Variants in TOM1L1 observed in about 807,000 individuals in gnomAD.
TOM1L1 encodes target of myb1 like 1 membrane trafficking protein, also known as TOM1-like protein 1.
A neutral mutation model predicts 63.4 loss-of-function variants in TOM1L1; 64 were observed. The ratio of observed to expected loss-of-function variants is 1.01; its 90% CI spans 0.83 to 1.24. TOM1L1 has a LOEUF of 1.24. TOM1L1 is among the 50% of genes most tolerant of loss of function. TOM1L1 has a pLI of 0.00. For missense variants in TOM1L1, 536 were observed against 567.0 expected, an observed-to-expected ratio of 0.95 and a Z score of 0.55; for synonymous variants, 166 against 194.4, an observed-to-expected ratio of 0.85 and a Z score of 1.22.
chr17:54,907,526 G>A (rs2048431533), intron 3 of TOM1L1, among the ~76,000 whole-genome samples: 1 of 152,076 alleles, frequency 6.6e-6, no homozygotes, highest in Admixed American at 6.6e-5. Flanking sequence ...TTTCCTTTAT[G>A]TCTTTAGTTT....
chr17:54,934,449 T>C (rs1033807813), intron 8 of TOM1L1, among the ~76,000 whole-genome samples: 4 of 152,200 alleles, frequency 2.6e-5, no homozygotes, highest in African/African-American at 7.2e-5. Flanking sequence ...TTGTGTTTAC[T>C]AGGATGTGGG....
At chr17:54,920,109 C>G (rs2048659152) in intron 7 of TOM1L1, among the ~76,000 whole-genome samples, 2 of 151,918 alleles carry the variant, frequency 1.3e-5, no homozygotes, top group East Asian at 3.9e-4. Flanking sequence ...GAAGGAGTCA[C>G]GTCAATACAG....
intron 7 of TOM1L1, 132 bp from the exon 8 acceptor site, chr17:54,929,941 T>G: frequency 9.6e-7 from 1 of 1,045,560 alleles, no homozygotes; most frequent in Non-Finnish European, 1.4e-6. Context: ...TGTTTATAGT[T>G]AAGTACTTTG....
chr17:54,930,283 G>A (rs2048837342), intron 8 of TOM1L1, 77 bp downstream of exon 8: 2 of 1,573,278 alleles, frequency 1.3e-6, no homozygotes, highest in Non-Finnish European at 8.7e-7. Context: ...TCTTATCAGA[G>A]TGCCTACAAG....
Position 54,901,048 on chromosome 17 carries a change from C to G in TOM1L1, c.58+125C>G, listed in dbSNP as rs1016581031. 8 of 1,340,806 alleles carry G rather than the reference C, an allele frequency of 6.0e-6. No individual in the cohort carries two copies. In the Admixed American group the frequency reaches 8.3e-5, roughly 14 times the overall value. The allele number at this position is 1,340,806 out of a possible 1,614,324, so 83.1% of individuals were successfully genotyped here. ...CTTGAAAAAATTATTCCCCTCCCCC[C>G]GCAACTTTCCCAAGGCACCCGCATT... On this transcript the variant is annotated intron_variant, in intron 1 of 15. Transcript: ENST00000575882.
Position 54,961,360 on chromosome 17 carries a change from C to A in TOM1L1, c.*127C>A. 1 of 1,551,190 alleles carries A rather than the reference C, an allele frequency of 6.4e-7. No individual in the cohort carries two copies. Among genetic ancestry groups the A allele is most frequent in the Non-Finnish European group, 8.7e-7 (1 of 1,146,758 alleles). On this transcript the variant is annotated 3_prime_UTR_variant, in exon 16 of 16. Transcript: ENST00000575882. ...ATGTCAAAGCCATGGTGGCACATTT[C>A]TGCTATAATGAAGATTAAATAGAAT...
intron 8 of TOM1L1, 106 bp from the exon 9 acceptor site, chr17:54,936,543 G>A (rs1331503962): frequency 3.2e-6 from 3 of 948,486 alleles, no homozygotes; most frequent in Non-Finnish European, 4.7e-6. Context: ...TGAGGATGAG[G>A]CTGATTGTCT....
intron 11 of TOM1L1, 43 bp downstream of exon 11, chr17:54,939,063 T>G (rs745449270): frequency 6.9e-6 from 9 of 1,313,266 alleles, no homozygotes; most frequent in Non-Finnish European, 9.7e-6. Flanking sequence ...TCATGACATT[T>G]AGATTCCTTA....
intron 11 of TOM1L1, among the ~76,000 whole-genome samples, chr17:54,946,913 G>T (rs935822381): frequency 6.6e-5 from 10 of 152,140 alleles, no homozygotes; most frequent in African/African-American, 2.4e-4. Context: ...CGTTTGCTCC[G>T]CTTTATCCTG....
At chr17:54,923,954 C>G (rs190999923) in intron 7 of TOM1L1, among the ~76,000 whole-genome samples, 1 of 151,732 alleles carries the variant, frequency 6.6e-6, no homozygotes, top group African/African-American at 2.4e-5. Flanking sequence ...ATTGCACCAC[C>G]GTACTCCAGC....
intron 12 of TOM1L1, 83 bp from the exon 13 acceptor site, chr17:54,949,435 T>C (rs1390080047): frequency 1.0e-6 from 1 of 985,620 alleles, no homozygotes; most frequent in Non-Finnish European, 1.6e-6. Context: ...TGGAACAATG[T>C]ACTTGCAAGT....
At chr17:54,937,310 C>A in intron 10 of TOM1L1, 84 bp downstream of exon 10, 2 of 1,063,966 alleles carry the variant, frequency 1.9e-6, no homozygotes, top group Non-Finnish European at 2.9e-6. Flanking sequence ...TAAATACCAC[C>A]TAAGAAGGAC....
intron 14 of TOM1L1, among the ~76,000 whole-genome samples, chr17:54,960,230 T>C (rs1277951896): frequency 6.6e-6 from 1 of 152,016 alleles, no homozygotes; most frequent in Non-Finnish European, 1.5e-5. Flanking sequence ...CTGGGCATGG[T>C]TGTGTGTCCC....
intron 12 of TOM1L1, among the ~76,000 whole-genome samples, chr17:54,948,401 C>G (rs1456088853): frequency 6.6e-6 from 1 of 152,192 alleles, no homozygotes; most frequent in East Asian, 1.9e-4. Flanking sequence ...CACCCGTCAC[C>G]TCTCCAGGCT....
rs762623624 is a variant in TOM1L1, at chr17:54,913,699, G to C, written c.373-49G>C. 67 of 1,520,340 alleles carry C rather than the reference G, an allele frequency of 4.4e-5. 1 individual carries two copies. The East Asian group carries it at 1.3e-3, about 29-fold the overall frequency. The allele number at this position is 1,520,340 out of a possible 1,614,324, so 94.2% of individuals were successfully genotyped here. A position where few individuals can be genotyped will look rare whatever the true frequency, so the allele number is the denominator to read the frequency against. On this transcript the variant is annotated intron_variant, in intron 4 of 15. Transcript: ENST00000575882. ...AAAAAAAAAAAAGAATTGTGTTTTG[G>C]TTTTGTTGCTGTTTTAACTCTGGAA...
chr17:54,940,938 A>C (rs1391295747), intron 11 of TOM1L1, among the ~76,000 whole-genome samples: 2 of 152,168 alleles, frequency 1.3e-5, no homozygotes, highest in African/African-American at 2.4e-5. Flanking sequence ...AATAGGCAAC[A>C]CATTTTCATT....
rs545783150 is a variant in TOM1L1, at chr17:54,907,988, T to C, written c.222+2421T>C. 4.3e-4 allele frequency among the ~76,000 whole-genome samples: 65 copies of C among 152,302 alleles called. No individual in the cohort carries two copies. In the South Asian group the frequency reaches 7.3e-3, roughly 17 times the overall value. On this transcript the variant is annotated intron_variant, in intron 3 of 15. Transcript: ENST00000575882. ...GGACCAGGGACCCTCCTTGAGGAAGTTGGGCTATTCCAGAGTGTTGTGCCT... is the reference window on the plus strand; with the variant it reads ...GGACCAGGGACCCTCCTTGAGGAAGCTGGGCTATTCCAGAGTGTTGTGCCT...
At chr17:54,921,712 C>G (rs2048686978) in intron 7 of TOM1L1, among the ~76,000 whole-genome samples, 1 of 152,090 alleles carries the variant, frequency 6.6e-6, no homozygotes, top group African/African-American at 2.4e-5. Context: ...GCCTCGGTAA[C>G]AGAGGGAGAC....
At chr17:54,910,328 C>T (rs930906849) in intron 3 of TOM1L1, among the ~76,000 whole-genome samples, 7 of 151,998 alleles carry the variant, frequency 4.6e-5, no homozygotes, top group East Asian at 1.9e-4. Flanking sequence ...TGGTGGTGCA[C>T]GCCTGTAATC....
Sources: gnomAD v4.1 joint callset for allele counts (sites outside exome capture counted in the v4.1 genomes callset) on GRCh38, gnomAD v4.1.1 for gene constraint, MANE v1.5 for transcripts, NCBI Gene and HGNC (gene_info 2026-07-23, HGNC 2026-07-21) for gene names.